ADORA2B: variants seen among roughly 807,000 people sequenced by gnomAD.
ADORA2B encodes the protein adenosine receptor A2b.
ADORA2B carries 18 observed loss-of-function variants against 20.8 expected under a neutral mutation model. That is an observed-to-expected ratio of 0.87 (90% CI 0.60 to 1.29). The LOEUF is 1.29. Ranked by LOEUF, ADORA2B falls within the 50% of genes most tolerant of loss-of-function variation. The pLI, the probability that ADORA2B is intolerant of heterozygous loss-of-function variation, is 0.00. For synonymous variants in ADORA2B, 179 were observed against 178.3 expected (o/e 1.00, Z -0.03); for missense variants, 441 against 422.7 (o/e 1.04, Z -0.38).
At chr17:15,953,004 GCA>G (rs1458821105) in intron 1 of ADORA2B, among the ~76,000 whole-genome samples, 9 of 152,252 alleles carry the variant, frequency 5.9e-5, no homozygotes, top group African/African-American at 2.2e-4. Flanking sequence ...CCTGTCCCAG[GCA>G]CGGGCGGGCA....
the ADORA2B span, chr17:15,860,921 T>C: frequency 1.9e-5 from 3 of 156,320 alleles, no homozygotes; most frequent in East Asian, 1.9e-4. Flanking sequence ...TCTCTGGACT[T>C]TGGGGACATG....
At chr17:15,888,167 T>C in the ADORA2B span, among the ~76,000 whole-genome samples, 1 of 128,034 alleles carries the variant, frequency 7.8e-6, no homozygotes, top group Admixed American at 7.7e-5. Context: ...TTCACTCCTT[T>C]GCAGCAGATA....
intron 1 of ADORA2B, among the ~76,000 whole-genome samples, chr17:15,949,997 G>T (rs1316009883): frequency 6.6e-6 from 1 of 152,178 alleles, no homozygotes; most frequent in East Asian, 1.9e-4. Context: ...ATGGTAATGG[G>T]TTGGATGATG....
the ADORA2B span, among the ~76,000 whole-genome samples, chr17:15,926,435 C>T: frequency 1.3e-5 from 2 of 151,806 alleles, no homozygotes; most frequent in African/African-American, 4.8e-5. Flanking sequence ...GTGGGTGACA[C>T]GATATGAGCA....
the ADORA2B span, among the ~76,000 whole-genome samples, chr17:15,890,459 C>T: frequency 6.1e-4 from 46 of 74,934 alleles, 9 homozygotes; most frequent in Middle Eastern, 0.028. Context: ...TCATTCCTTT[C>T]TTTTATTTAT....
chr17:15,904,177 G>A, the ADORA2B span, among the ~76,000 whole-genome samples: 2 of 152,030 alleles, frequency 1.3e-5, no homozygotes, highest in Admixed American at 1.3e-4. Context: ...ACAGGGTCTT[G>A]CTATGTGGCC....
chr17:15,951,698 A>G (rs560521864), intron 1 of ADORA2B, among the ~76,000 whole-genome samples: 23 of 152,296 alleles, frequency 1.5e-4, no homozygotes, highest in African/African-American at 5.3e-4. Flanking sequence ...TTCAATCCAG[A>G]GGATACCTGA....
chr17:15,958,977 A>G (rs973286446), intron 1 of ADORA2B, among the ~76,000 whole-genome samples: 11 of 152,204 alleles, frequency 7.2e-5, no homozygotes, highest in African/African-American at 2.7e-4. Context: ...ATACATGTGC[A>G]TGCAAATGTA....
the ADORA2B span, among the ~76,000 whole-genome samples, chr17:15,938,632 G>T: frequency 6.6e-6 from 1 of 152,198 alleles, no homozygotes; most frequent in East Asian, 1.9e-4. Flanking sequence ...GAGTTTCCCA[G>T]TAGGAGCAAT....
the ADORA2B span, among the ~76,000 whole-genome samples, chr17:15,933,785 T>TAG: frequency 0.011 from 1,662 of 146,046 alleles, 29 homozygotes; most frequent in African/African-American, 0.04. Context: ...TATATATATA[T>TAG]ATATAGAGAG....
At chr17:15,934,279 A>T in the ADORA2B span, among the ~76,000 whole-genome samples, 1 of 152,246 alleles carries the variant, frequency 6.6e-6, no homozygotes, top group South Asian at 2.1e-4. Flanking sequence ...CCCAGGTTGC[A>T]GTTCAGTGGC....
At chr17:15,941,970 G>A (rs1185979040), upstream of ADORA2B, among the ~76,000 whole-genome samples, 2 of 151,650 alleles carry the variant, frequency 1.3e-5, no homozygotes, top group Non-Finnish European at 2.9e-5. Context: ...GTTGTTGTGT[G>A]AGTCAGAGGG....
At chr17:15,915,457 T>G in the ADORA2B span, among the ~76,000 whole-genome samples, 1 of 152,182 alleles carries the variant, frequency 6.6e-6, no homozygotes, top group South Asian at 2.1e-4. Flanking sequence ...GGACCATTAT[T>G]CTGCCTGCCA....
At chr17:15,919,426 C>T in the ADORA2B span, among the ~76,000 whole-genome samples, 3 of 152,152 alleles carry the variant, frequency 2.0e-5, no homozygotes, top group East Asian at 5.8e-4. Flanking sequence ...ATTCCCCCAC[C>T]CCAATTAAAC....
At chr17:15,891,396 C>T in the ADORA2B span, among the ~76,000 whole-genome samples, 38 of 152,362 alleles carry the variant, frequency 2.5e-4, no homozygotes, top group African/African-American at 8.7e-4. Flanking sequence ...TCACATGAAC[C>T]CACTTATGTG....
the ADORA2B span, among the ~76,000 whole-genome samples, chr17:15,852,594 G>A: frequency 1.3e-5 from 2 of 152,040 alleles, no homozygotes; most frequent in Middle Eastern, 3.4e-3. Context: ...TATTAGACAC[G>A]GACTTTAAAA....
chr17:15,862,477 C>T, the ADORA2B span, among the ~76,000 whole-genome samples: 1,603 of 152,196 alleles, frequency 0.011, 36 homozygotes, highest in African/African-American at 0.036. Flanking sequence ...TCCCAAAACG[C>T]TGGGATTGCA....
the ADORA2B span, among the ~76,000 whole-genome samples, chr17:15,912,297 T>C: frequency 6.6e-6 from 1 of 151,406 alleles, no homozygotes; most frequent in East Asian, 1.9e-4. Context: ...GGAGGATTGC[T>C]GGAACCCAGG....
chr17:15,869,405 GT>G, the ADORA2B span, among the ~76,000 whole-genome samples: 1 of 151,692 alleles, frequency 6.6e-6, no homozygotes, highest in Non-Finnish European at 1.5e-5. Flanking sequence ...TAGTAATCTA[GT>G]TTTTACTTGG....
Sources: allele counts gnomAD v4.1 joint callset (sites outside exome capture counted in the v4.1 genomes callset), GRCh38; gene constraint gnomAD v4.1.1; transcripts MANE v1.5; gene names NCBI Gene and HGNC (gene_info 2026-07-23, HGNC 2026-07-21).